The following PHF21A variants were observed in gnomAD, a reference collection of about 807,000 sequenced individuals.
PHF21A encodes the protein BHC80a.
A neutral mutation model predicts 82.5 loss-of-function variants in PHF21A; 11 were observed. The ratio of observed to expected loss-of-function variants is 0.13; its 90% CI spans 0.08 to 0.22. The LOEUF (loss-of-function observed/expected upper bound fraction) is 0.22, where lower values mean the gene tolerates loss of function less well. PHF21A is among the 10% of genes least tolerant of loss of function. The pLI is 1.00. For missense variants in PHF21A, 579 were observed against 837.8 expected (o/e 0.69, Z 3.81); for synonymous variants, 297 against 302.8 (o/e 0.98, Z 0.20).
At chr11:46,009,396 T>C (rs2095366278) in intron 6 of PHF21A, among the ~76,000 whole-genome samples, 1 of 152,186 alleles carries the variant, frequency 6.6e-6, no homozygotes, top group Non-Finnish European at 1.5e-5. Flanking sequence ...ATTTCCTTTA[T>C]AAAACTTTTC....
At chr11:46,082,151 T>C (rs1394313209) in intron 4 of PHF21A, among the ~76,000 whole-genome samples, 1 of 152,240 alleles carries the variant, frequency 6.6e-6, no homozygotes, top group Non-Finnish European at 1.5e-5. Context: ...TTCATAACTA[T>C]CTCACCATTC....
At chr11:46,101,207 A>G (rs188840064) in intron 1 of PHF21A, among the ~76,000 whole-genome samples, 7 of 152,370 alleles carry the variant, frequency 4.6e-5, no homozygotes, top group African/African-American at 1.7e-4. Flanking sequence ...AAATCTGTCC[A>G]GCAGGCATCG....
At position 46,079,416 on chromosome 11, in the gene PHF21A, G is replaced by A. The variant is rs564230325; in HGVS notation, c.55-250C>T. ...CTGATTTTTAAATCTGGACAGAGAC[G>A]GGTGACAGTGGCTTCCGAAAGGAAT... On this transcript the variant is annotated intron_variant, in intron 4 of 18. Transcript: ENST00000676320. 2.6e-3 allele frequency among the ~76,000 whole-genome samples: 201 copies of A among 77,190 alleles called. 1 individual carries two copies. The highest frequency in any genetic ancestry group is 7.1e-3 in the Non-Finnish European group (173 of 24,442). The allele number at this position is 77,190 out of a possible 152,430, so 50.6% of individuals were successfully genotyped here. A position where few individuals can be genotyped will look rare whatever the true frequency, so the allele number is the denominator to read the frequency against.
At chr11:46,059,020 C>T (rs1489989579) in intron 6 of PHF21A, among the ~76,000 whole-genome samples, 1 of 152,172 alleles carries the variant, frequency 6.6e-6, no homozygotes, top group Non-Finnish European at 1.5e-5. Flanking sequence ...CCAAGATGCC[C>T]TAATACAGTT....
intron 11 of PHF21A, among the ~76,000 whole-genome samples, chr11:45,951,833 G>A (rs1215298149): frequency 7.1e-6 from 1 of 139,890 alleles, no homozygotes; most frequent in East Asian, 2.1e-4. Flanking sequence ...TTGAGGCGGA[G>A]TCTCACTCTG....
Position 45,939,798 on chromosome 11 carries a change from GC to G in PHF21A, c.1453-1487del, listed in dbSNP as rs1053810610. The stretch of plus-strand genomic sequence containing the variant: ...AAAAAAAAAAAAAAAAAAAAAAAGA[GC>G]TATTAAAGAGGTCTTTTCCAGAGAG... On this transcript the variant is annotated intron_variant, in intron 15 of 18. Transcript: ENST00000676320. Among the ~76,000 whole-genome samples, 115 of 143,488 alleles carry G rather than the reference GC, an allele frequency of 8.0e-4. 1 individual carries two copies. In the South Asian group the frequency reaches 0.012, roughly 15 times the overall value. The allele number at this position is 143,488 out of a possible 152,430, so 94.1% of individuals were successfully genotyped here.
At chr11:46,039,210 G>A (rs552441102) in intron 6 of PHF21A, among the ~76,000 whole-genome samples, 3 of 152,252 alleles carry the variant, frequency 2.0e-5, no homozygotes, top group South Asian at 2.1e-4. Flanking sequence ...CTAATGAAAC[G>A]TTTAAAAAGT....
chr11:46,001,175 C>T (rs2095113916), intron 6 of PHF21A, among the ~76,000 whole-genome samples: 1 of 151,786 alleles, frequency 6.6e-6, no homozygotes. Flanking sequence ...AGAAACATCA[C>T]AGAAGTCTAA....
At chr11:46,117,396 C>A (rs183320866) in intron 1 of PHF21A, 29 of 152,306 alleles carry the variant, frequency 1.9e-4, no homozygotes, top group Admixed American at 1.8e-3. Flanking sequence ...CATCTTTATG[C>A]AGTTACTGTT....
In PHF21A at chr11:45,990,128, C is replaced by T. The variant is rs552621560; in HGVS notation, c.154-10162G>A. 7.2e-4 allele frequency among the ~76,000 whole-genome samples: 110 copies of T among 152,144 alleles called. 1 individual carries two copies. Among genetic ancestry groups the T allele is most frequent in the Non-Finnish European group, 1.4e-3 (92 of 67,994 alleles). On this transcript the variant is annotated intron_variant, in intron 6 of 18. Transcript: ENST00000676320. ...CCACAAATTTCTACACAAATATTTA[C>T]AGTCTTCACACCTGAACATACACAT...
At chr11:46,003,711 C>T (rs2095217751) in intron 6 of PHF21A, among the ~76,000 whole-genome samples, 1 of 152,120 alleles carries the variant, frequency 6.6e-6, no homozygotes, top group South Asian at 2.1e-4. Context: ...CACTACAGAG[C>T]ACATGAATTT....
At chr11:46,055,558 T>C (rs1056520158) in intron 6 of PHF21A, among the ~76,000 whole-genome samples, 13 of 152,160 alleles carry the variant, frequency 8.5e-5, no homozygotes, top group Admixed American at 4.6e-4. Flanking sequence ...TTTCTTTCCA[T>C]TGACCTTTCC....
In PHF21A at chr11:45,934,183, CCTT is replaced by C; in HGVS notation, c.1828_1830del (p.Lys610del). The C allele has an allele frequency of 1.2e-6, 2 of 1,614,028 alleles. No homozygotes were observed. The highest frequency in any genetic ancestry group is 1.7e-6 in the Non-Finnish European group (2 of 1,180,018). ...ACCTTCTCCAGGGAGCTGTGCATCT[CCTT>C]CTGCCGGGCCAGGATGGTGTTCTTC... On this transcript the variant is annotated inframe_deletion, in exon 19 of 19. Coordinates refer to ENST00000676320, the MANE Select transcript of PHF21A (RefSeq NM_001352027.3).
chr11:46,008,481 A>G (rs2095345434), intron 6 of PHF21A, among the ~76,000 whole-genome samples: 2 of 152,180 alleles, frequency 1.3e-5, no homozygotes, highest in Non-Finnish European at 2.9e-5. Context: ...TTGCTTCAGT[A>G]GAGAAGTGCC....
At chr11:46,050,968 G>A (rs187256135) in intron 6 of PHF21A, among the ~76,000 whole-genome samples, 3 of 152,222 alleles carry the variant, frequency 2.0e-5, no homozygotes, top group Non-Finnish European at 2.9e-5. Context: ...TTTACCTAAA[G>A]ATAAATATAG....
chr11:46,016,833 T>C lies in PHF21A; in HGVS notation c.154-36867A>G, dbSNP rs76497265. Among the ~76,000 whole-genome samples the C allele has an allele frequency of 7.0e-3, 1,069 of 151,918 alleles. 10 individuals are homozygous for C. Among genetic ancestry groups the C allele is most frequent in the African/African-American group, 0.025 (1,017 of 41,404 alleles). On this transcript the variant is annotated intron_variant, in intron 6 of 18. Transcript: ENST00000676320. ...TTCTATCATCTAGAATGCAGACCTA[T>C]AGCACTTAAAAATTAAACAGACACG...
At position 45,965,586 on chromosome 11, in the gene PHF21A, T is replaced by C; in HGVS notation, c.725A>G (p.Gln242Arg). The change falls in exon 10 of 19, where the codon CAG becomes CGG. Residue 242 changes from glutamine to arginine, a missense_variant. By Grantham distance (43) the Gln-to-Arg change is conservative. This residue lies in a region of PHF21A where 410 missense variants were observed against 642.1 expected (regional missense o/e 0.64). Transcript: ENST00000676320. ...TGCTGGGGCAATAGGAATGTTATTC[T>C]GGGCCACAGGCTTGGGTCGAACCTA... ...LPQVRPKPVA[Q>R]NNIPIAPAPP... The C allele has an allele frequency of 6.4e-7, 1 of 1,564,398 alleles. No homozygotes were observed. The highest frequency in any genetic ancestry group is 8.7e-7 in the Non-Finnish European group (1 of 1,152,984).
intron 1 of PHF21A, among the ~76,000 whole-genome samples, chr11:46,112,314 A>G (rs535059227): frequency 1.3e-5 from 2 of 152,306 alleles, no homozygotes; most frequent in Non-Finnish European, 2.9e-5. Flanking sequence ...AAAAGAGAGG[A>G]AAAAAATGTG....
intron 6 of PHF21A, among the ~76,000 whole-genome samples, chr11:46,074,542 G>A (rs1170997038): frequency 3.3e-5 from 5 of 151,886 alleles, no homozygotes; most frequent in Admixed American, 1.3e-4. Flanking sequence ...TTGCTCTGTC[G>A]CCCAGGCTGG....
Sources: gnomAD v4.1 joint callset for allele counts (sites outside exome capture counted in the v4.1 genomes callset) on GRCh38, gnomAD v4.1.1 for gene constraint, gnomAD v4.1.1 regional missense constraint, MANE v1.5 for transcripts, NCBI Gene and HGNC (gene_info 2026-07-23, HGNC 2026-07-21) for gene names.